The following TERT variants were observed in gnomAD, a reference collection of about 807,000 sequenced individuals.
TERT encodes the protein telomerase catalytic subunit.
A neutral mutation model predicts 104.0 loss-of-function variants in TERT; 42 were observed. The observed-to-expected ratio is 0.40, with a 90% CI of 0.32 to 0.52. The LOEUF (loss-of-function observed/expected upper bound fraction) is 0.52. Among genes scored for constraint, TERT ranks in the 20% least tolerant of loss-of-function variants. The pLI, the probability that TERT is intolerant of heterozygous loss-of-function variation, is 0.43. For missense variants in TERT, 1,101 were observed against 1,610.3 expected, an observed-to-expected ratio of 0.68 and a Z score of 5.41; for synonymous variants, 781 against 725.6, an observed-to-expected ratio of 1.08 and a Z score of -1.23.
Position 1,294,544 on chromosome 5 carries a change from G to T in TERT, c.342C>A (p.Ala114=), listed in dbSNP as rs1201101815. Reference sequence around the variant, plus strand: ...GGTAGCTGCGCACGCTGGTGGTGAAGGCCTCGGGGGGGCCCCCGCGGGCCC... The same window carrying T: ...GGTAGCTGCGCACGCTGGTGGTGAATGCCTCGGGGGGGCCCCCGCGGGCCC... The part of the protein sequence containing the change: ...LDGARGGPPE[A]FTTSVRSYLP... Residue 114 remains alanine (A), a synonymous_variant, in exon 2 of 16, where the codon GCC becomes GCA. Coordinates refer to ENST00000310581, the MANE Select transcript of TERT (RefSeq NM_198253.3). 1.3e-6 allele frequency: 2 copies of T among 1,578,520 alleles called. No homozygotes were observed. Among genetic ancestry groups the T allele is most frequent in the South Asian group, 2.3e-5 (2 of 88,470 alleles).
In TERT at chr5:1,255,429, A is replaced by G. The variant is rs763286040; in HGVS notation, c.3033-18T>C. ...CGTGAAACCTGAGAGGATGGCGGAC[A>G]GCGTCAGAGGAAAGGCCTCCTAATC... On this transcript the variant is annotated intron_variant, in intron 13 of 15. Coordinates refer to ENST00000310581, the MANE Select transcript of TERT (RefSeq NM_198253.3). The surrounding 1 kb of genome is among the most constrained non-coding windows in gnomAD (Gnocchi z 6.9). 8 of 1,613,936 alleles carry G rather than the reference A, an allele frequency of 5.0e-6. No individual in the cohort carries two copies. The highest frequency in any genetic ancestry group is 4.5e-5 in the East Asian group (2 of 44,874).
chr5:1,281,725 G>A (rs1325721192), intron 3 of TERT, among the ~76,000 whole-genome samples: 3 of 152,170 alleles, frequency 2.0e-5, no homozygotes, highest in Admixed American at 6.5e-5. Flanking sequence ...GTCGCCAAGT[G>A]GGTGGGATTT....
In TERT at chr5:1,274,994, C is replaced by A. The variant is rs1434043744; in HGVS notation, c.2287-2714G>T. ...GAAGAGAGTCATGAAATGGAAAGACCCCTAGCGAGACCTGGAGAAGGAAAA... is the reference window on the plus strand; with the variant it reads ...GAAGAGAGTCATGAAATGGAAAGACACCTAGCGAGACCTGGAGAAGGAAAA... On this transcript the variant is annotated intron_variant, in intron 6 of 15. Coordinates refer to ENST00000310581, the MANE Select transcript of TERT (RefSeq NM_198253.3). The surrounding 1 kb of genome is among the most constrained non-coding windows in gnomAD (Gnocchi z 5.3). 6.6e-6 allele frequency among the ~76,000 whole-genome samples: 1 copy of A among 152,102 alleles called. No individual in the cohort carries two copies. The highest frequency in any genetic ancestry group is 1.5e-5 in the Non-Finnish European group (1 of 68,026).
At chr5:1,259,105 C>T (rs1194307242) in intron 12 of TERT, among the ~76,000 whole-genome samples, 12 of 136,870 alleles carry the variant, frequency 8.8e-5, no homozygotes, top group East Asian at 2.2e-4. Context: ...GGAGTGGACA[C>T]GGACGCCCAC....
At chr5:1,260,256 GCA>G (rs1255380502) in intron 12 of TERT, among the ~76,000 whole-genome samples, 3 of 152,346 alleles carry the variant, frequency 2.0e-5, no homozygotes, top group African/African-American at 7.2e-5. Context: ...ATTCGCATGT[GCA>G]CACACTTGTG....
chr5:1,293,514 G>C lies in TERT; in HGVS notation c.1372C>G (p.Pro458Ala). The change falls in exon 2 of 16, where the codon CCC becomes GCC. Residue 458 changes from proline to alanine, a missense_variant. Pro to Ala is a conservative substitution (Grantham distance 27, BLOSUM62 -1). This residue lies in a region of TERT where 504 missense variants were observed against 544.6 expected (regional missense o/e 0.93). Coordinates refer to ENST00000310581, the MANE Select transcript of TERT (RefSeq NM_198253.3). ...CGCACGAAGCCGTACACCTGCCAGG[G>C]GCTGCTGTGCTGGCGGAGCAGCTGC... ...LVQLLRQHSS[P>A]WQVYGFVRAC... 6.4e-7 allele frequency: 1 copy of C among 1,571,510 alleles called. No individual in the cohort carries two copies. Among genetic ancestry groups the C allele is most frequent in the South Asian group, 1.2e-5 (1 of 86,462 alleles).
chr5:1,277,846 A>G (rs1421451244), intron 6 of TERT, among the ~76,000 whole-genome samples: 1 of 152,054 alleles, frequency 6.6e-6, no homozygotes, highest in East Asian at 1.9e-4. Context: ...AGCTCCAGGG[A>G]TACTTCTTCA....
rs1433661617 is a variant in TERT at position 1,256,936 on chromosome 5, C to T, written c.3033-1525G>A. On this transcript the variant is annotated intron_variant, in intron 13 of 15. Coordinates refer to ENST00000310581, the MANE Select transcript of TERT (RefSeq NM_198253.3). The surrounding 1 kb of genome is among the most constrained non-coding windows in gnomAD (Gnocchi z 7.0). ...AGCCCCAGCGGATTTGAATCAGACC[C>T]CGCCCCCAGCGCCACGTGGACCACC... Among the ~76,000 whole-genome samples the T allele has an allele frequency of 3.9e-5, 6 of 152,132 alleles. No individual in the cohort carries two copies. The highest frequency in any genetic ancestry group is 1.4e-4 in the African/African-American group (6 of 41,448).
chr5:1,270,815 C>T lies in TERT; in HGVS notation c.2468+304G>A, dbSNP rs987687880. On this transcript the variant is annotated intron_variant, in intron 8 of 15. Transcript: ENST00000310581. This position sits in a 1 kb window ranked among gnomAD's most constrained non-coding sequence, Gnocchi z 8.3. ...ACAAGCTGCAGGCTCAAACGCTCGG[C>T]GCACACCTGACCCAGACACACCCCC... Among the ~76,000 whole-genome samples the T allele has an allele frequency of 2.6e-5, 4 of 152,240 alleles. No individual in the cohort carries two copies. The highest frequency in any genetic ancestry group is 2.9e-5 in the Non-Finnish European group (2 of 68,032).
chr5:1,264,330 G>A lies in TERT; in HGVS notation c.2843+74C>T, dbSNP rs1031045483. On this transcript the variant is annotated intron_variant, in intron 11 of 15. Transcript: ENST00000310581. ...GTCGCCTGCCCCACACGGAAGCAGAGGTGGACGCAACGGCCCTGCAGCAGC... is the reference window on the plus strand; with the variant it reads ...GTCGCCTGCCCCACACGGAAGCAGAAGTGGACGCAACGGCCCTGCAGCAGC... 9.2e-5 allele frequency: 136 copies of A among 1,483,228 alleles called. 1 individual carries two copies. In the Middle Eastern group the frequency reaches 1.3e-3, roughly 14 times the overall value. The allele number at this position is 1,483,228 out of a possible 1,614,324, so 91.9% of individuals were successfully genotyped here.
rs35192176 is a variant in TERT at position 1,274,612 on chromosome 5, C to T, written c.2287-2332G>A. 2.0e-5 allele frequency among the ~76,000 whole-genome samples: 3 copies of T among 152,172 alleles called. No homozygotes were observed. Among genetic ancestry groups the T allele is most frequent in the Admixed American group, 6.5e-5 (1 of 15,278 alleles). On this transcript the variant is annotated intron_variant, in intron 6 of 15. Coordinates refer to ENST00000310581, the MANE Select transcript of TERT (RefSeq NM_198253.3). The surrounding 1 kb of genome is among the most constrained non-coding windows in gnomAD (Gnocchi z 5.3). ...CGCACAGTTCTCAGTAGGGTGTGTG[C>T]GCCTCTGAGCACCGCATGCCACTGC... is the stretch of plus-strand genomic sequence containing the variant.
chr5:1,293,182 C>T, intron 2 of TERT, 131 bp downstream of exon 2: 1 of 1,091,806 alleles, frequency 9.2e-7, no homozygotes. Flanking sequence ...ACTCGACGTC[C>T]TGAGCGAAAA....
At chr5:1,260,183 C>T (rs934555464) in intron 12 of TERT, among the ~76,000 whole-genome samples, 10 of 152,214 alleles carry the variant, frequency 6.6e-5, no homozygotes, top group Admixed American at 2.6e-4. Flanking sequence ...CACACCCACA[C>T]GCATGCACCT....
rs1352932374 is a variant in TERT, at chr5:1,293,401, G to A, written c.1485C>T (p.Ile495=). 1.9e-6 allele frequency: 3 copies of A among 1,613,298 alleles called. No homozygotes were observed. Among genetic ancestry groups the A allele is most frequent in the Admixed American group, 1.7e-5 (1 of 60,016 alleles). ...RRFLRNTKKF[I]SLGKHAKLSL... is the part of the protein sequence containing the mutation. ...AGAGCTTGGCATGCTTCCCCAGGGAGATGAACTTCTTGGTGTTCCTGAGGA... is the reference window on the plus strand; with the variant it reads ...AGAGCTTGGCATGCTTCCCCAGGGAAATGAACTTCTTGGTGTTCCTGAGGA... The change falls in exon 2 of 16, where the codon ATC becomes ATT. Residue 495 remains isoleucine (I), a synonymous_variant. Transcript: ENST00000310581.
chr5:1,287,998 G>T lies in TERT; in HGVS notation c.1573+5315C>A, dbSNP rs1042958176. On this transcript the variant is annotated intron_variant, in intron 2 of 15. Coordinates refer to ENST00000310581, the MANE Select transcript of TERT (RefSeq NM_198253.3). This position sits in a 1 kb window ranked among gnomAD's most constrained non-coding sequence, Gnocchi z 4.3. ...CTGAGTTAGAAATCAATAATAAAAT[G>T]ATAACTTAAAATACTCTACGTATCT... 6.6e-6 allele frequency among the ~76,000 whole-genome samples: 1 copy of T among 151,760 alleles called. No homozygotes were observed. The highest frequency in any genetic ancestry group is 2.4e-5 in the African/African-American group (1 of 41,302).
intron 10 of TERT, 27 bp downstream of exon 10, chr5:1,266,437 C>T: frequency 1.9e-6 from 3 of 1,586,380 alleles, no homozygotes; most frequent in Non-Finnish European, 2.6e-6. Context: ...TGTGGAGGTC[C>T]CCACAGACAC....
rs538562148 is a variant in TERT, at chr5:1,287,343, T to A, written c.1574-4719A>T. Among the ~76,000 whole-genome samples, 4 of 151,358 alleles carry A rather than the reference T, an allele frequency of 2.6e-5. No individual in the cohort carries two copies. Among genetic ancestry groups the A allele is most frequent in the Non-Finnish European group, 4.4e-5 (3 of 67,894 alleles). On this transcript the variant is annotated intron_variant, in intron 2 of 15. Transcript: ENST00000310581. This position sits in a 1 kb window ranked among gnomAD's most constrained non-coding sequence, Gnocchi z 4.3. ...AGCAAGACCCTGTCTCCAGAAAAAA[T>A]TTAAAAATTAGCCAGGTGTAGCGGT...
rs1747457013 is a variant in TERT, at chr5:1,253,269, C to T, written c.*459G>A. The T allele has an allele frequency of 6.4e-6, 2 of 310,696 alleles. No individual in the cohort carries two copies. The highest frequency in any genetic ancestry group is 9.1e-5 in the Admixed American group (2 of 22,008). 19.2% of individuals were successfully genotyped at this position (310,696 alleles called of 1,614,324 possible). ...CCCCCATCCAGGTGCAGGGTCCTCG[C>T]CTGTGTACAGGGCACACCTTTGGTC... On this transcript the variant is annotated 3_prime_UTR_variant, in exon 16 of 16. Coordinates refer to ENST00000310581, the MANE Select transcript of TERT (RefSeq NM_198253.3).
rs1749431470 is a variant in TERT at position 1,274,798 on chromosome 5, C to T, written c.2287-2518G>A. 6.6e-6 allele frequency among the ~76,000 whole-genome samples: 1 copy of T among 152,214 alleles called. No individual in the cohort carries two copies. Among genetic ancestry groups the T allele is most frequent in the Admixed American group, 6.5e-5 (1 of 15,280 alleles). On this transcript the variant is annotated intron_variant, in intron 6 of 15. Coordinates refer to ENST00000310581, the MANE Select transcript of TERT (RefSeq NM_198253.3). The surrounding 1 kb of genome is among the most constrained non-coding windows in gnomAD (Gnocchi z 5.3). ...AGAGGGAAAACGGCAACTTCAGATG[C>T]TTGTTTAGAAAAGAAAGTTCAAACA... is the stretch of plus-strand genomic sequence containing the variant.
Sources: gnomAD v4.1 joint callset for allele counts (sites outside exome capture counted in the v4.1 genomes callset) on GRCh38, gnomAD v4.1.1 for gene constraint, gnomAD v4.1.1 regional missense constraint, Gnocchi (gnomAD v3.1) non-coding constraint, MANE v1.5 for transcripts, NCBI Gene and HGNC (gene_info 2026-07-23, HGNC 2026-07-21) for gene names.